The following TF variants were observed in gnomAD, a reference collection of about 807,000 sequenced individuals.
The protein encoded by TF is transferrin, also known as serotransferrin.
Under a neutral mutation model 82.4 loss-of-function variants are expected in TF, and 55 were observed. The observed-to-expected ratio is 0.67, with a 90% confidence interval of 0.54 to 0.84. The LOEUF is 0.84. Among genes scored for constraint, TF ranks in the 40% least tolerant of loss-of-function variants. TF has a pLI of 0.00. For missense variants in TF, 737 were observed against 868.4 expected (o/e 0.85, Z 1.90); for synonymous variants, 332 against 332.6 (o/e 1.00, Z 0.02).
chr3:133,664,093 C>A, the TF span, among the ~76,000 whole-genome samples: 1 of 152,174 alleles, frequency 6.6e-6, no homozygotes, highest in East Asian at 1.9e-4. Flanking sequence ...AATGAAAATT[C>A]TTGGGCTCCA....
At chr3:133,700,512 G>A in the TF span, among the ~76,000 whole-genome samples, 1 of 152,244 alleles carries the variant, frequency 6.6e-6, no homozygotes, top group Non-Finnish European at 1.5e-5. Flanking sequence ...TGCAGCCCAT[G>A]GTGCTGGATC....
the TF span, among the ~76,000 whole-genome samples, chr3:133,686,540 A>T: frequency 6.6e-6 from 1 of 152,238 alleles, no homozygotes; most frequent in Admixed American, 6.5e-5. Context: ...TGGGCAGAGG[A>T]TATGAACAGA....
the TF span, among the ~76,000 whole-genome samples, chr3:133,719,420 A>G: frequency 0.079 from 12,079 of 152,024 alleles, 643 homozygotes; most frequent in East Asian, 0.26. Flanking sequence ...ATTCCCAGGG[A>G]TTGTGTGGGC....
intron 14 of TF, among the ~76,000 whole-genome samples, chr3:133,771,777 G>T (rs34252038): frequency 0.3 from 43,459 of 144,348 alleles, 7,343 homozygotes; most frequent in South Asian, 0.42. Flanking sequence ...GAATCAATGG[G>T]TGTTAACTTG....
At chr3:133,679,593 T>A in the TF span, among the ~76,000 whole-genome samples, 2 of 148,108 alleles carry the variant, frequency 1.4e-5, no homozygotes, top group African/African-American at 5.0e-5. Flanking sequence ...TTTTTTTTTT[T>A]ACTCAGCATA....
intron 12 of TF, among the ~76,000 whole-genome samples, 170 bp downstream of exon 12, chr3:133,766,603 T>C (rs1240270469): frequency 6.6e-6 from 1 of 152,178 alleles, no homozygotes; most frequent in Non-Finnish European, 1.5e-5. Flanking sequence ...CAACAAGGGC[T>C]GGAAGGACTG....
At chr3:133,753,478 G>A (rs1170288258) in intron 2 of TF, 117 bp from the exon 3 acceptor site, 1 of 858,990 alleles carries the variant, frequency 1.2e-6, no homozygotes, top group Non-Finnish European at 2.0e-6. Context: ...GCGTGGTCTA[G>A]TCAAGTTCTG....
chr3:133,678,277 T>A, the TF span, among the ~76,000 whole-genome samples: 1 of 152,260 alleles, frequency 6.6e-6, no homozygotes, highest in Non-Finnish European at 1.5e-5. Flanking sequence ...GCATTTGGGT[T>A]GGTTCCTAGT....
rs2715637 is a variant in TF, at chr3:133,795,470, T to A, written c.*16850T>A. The A allele has an allele frequency of 0.78, 117,996 of 152,026 alleles. 46,664 individuals carry two copies. The highest frequency in any genetic ancestry group is 0.94 in the African/African-American group (38,877 of 41,510). The allele number at this position is 152,026 out of a possible 1,614,324, so 9.4% of individuals were successfully genotyped here. On this transcript the variant is annotated 3_prime_UTR_variant, in exon 17 of 17. Transcript: ENST00000402696. ...TGTAACCTACGAATGATGTGCTGAG[T>A]CCAAAAGCCCAAAGTGTTGGTAACT... is the stretch of plus-strand genomic sequence containing the variant.
the TF span, among the ~76,000 whole-genome samples, chr3:133,663,530 T>A: frequency 6.6e-6 from 1 of 152,072 alleles, no homozygotes; most frequent in Non-Finnish European, 1.5e-5. Flanking sequence ...AAATCTGACC[T>A]GAATCTGTAA....
chr3:133,754,364 C>G (rs768588379), intron 3 of TF, 131 bp from the exon 4 acceptor site: 56 of 906,442 alleles, frequency 6.2e-5, no homozygotes, highest in Non-Finnish European at 9.7e-5. Flanking sequence ...TCCTGATTCC[C>G]CACTCCTTAT....
the TF span, among the ~76,000 whole-genome samples, chr3:133,666,354 G>A: frequency 2.6e-5 from 4 of 152,108 alleles, no homozygotes; most frequent in Admixed American, 6.6e-5. Flanking sequence ...TGTATTTTTA[G>A]TAGAGATGGG....
the TF span, among the ~76,000 whole-genome samples, chr3:133,710,420 G>GC: frequency 6.6e-6 from 1 of 151,986 alleles, no homozygotes; most frequent in African/African-American, 2.4e-5. Flanking sequence ...ATTTACAAGC[G>GC]CCCCCACCAC....
chr3:133,693,114 C>G, the TF span, among the ~76,000 whole-genome samples: 16 of 152,234 alleles, frequency 1.1e-4, no homozygotes, highest in Non-Finnish European at 1.5e-4. Context: ...CTCCTGGGAG[C>G]TGGCAGCTGA....
chr3:133,667,542 C>T, the TF span, among the ~76,000 whole-genome samples: 13 of 151,846 alleles, frequency 8.6e-5, no homozygotes, highest in African/African-American at 3.1e-4. Flanking sequence ...TAGGTAGGCA[C>T]CATCAACTGA....
intron 13 of TF, 78 bp downstream of exon 13, chr3:133,768,242 T>G (rs958138459): frequency 1.3e-6 from 2 of 1,566,442 alleles, no homozygotes; most frequent in African/African-American, 1.4e-5. Flanking sequence ...AAGGTAAGAT[T>G]CTTAGGTTCC....
Position 133,782,661 on chromosome 3 carries a change from C to A in TF, c.*4041C>A. 1 of 152,072 alleles carries A rather than the reference C, an allele frequency of 6.6e-6. No individual in the cohort carries two copies. The highest frequency in any genetic ancestry group is 1.5e-5 in the Non-Finnish European group (1 of 68,058). The allele number at this position is 152,072 out of a possible 1,614,324, so 9.4% of individuals were successfully genotyped here. On this transcript the variant is annotated 3_prime_UTR_variant, in exon 17 of 17. Transcript: ENST00000402696. Reference sequence around the variant, plus strand: ...GAGATGTAGGTCAGAGGATACAAAGCAGCAGATAGGAGGGCTAGGCGCAGT... The same window carrying A: ...GAGATGTAGGTCAGAGGATACAAAGAAGCAGATAGGAGGGCTAGGCGCAGT...
At chr3:133,727,148 A>G in the TF span, among the ~76,000 whole-genome samples, 3 of 152,092 alleles carry the variant, frequency 2.0e-5, no homozygotes, top group Admixed American at 2.0e-4. Flanking sequence ...TGGGGTGGAG[A>G]GTTCTGTAGA....
In TF at chr3:133,775,455, T is replaced by G; in HGVS notation, c.1710T>G (p.Ala570=). The change falls in exon 15 of 17, where the codon GCT becomes GCG. Residue 570 remains alanine, a synonymous_variant. Coordinates refer to ENST00000402696, the MANE Select transcript of TF (RefSeq NM_001063.4). The part of the protein sequence containing the change: ...NTGGKNPDPW[A]KNLNEKDYEL... ...TAGGAAAAAACCCTGATCCATGGGCTAAGAATCTGAATGAAAAAGACTATG... is the reference window on the plus strand; with the variant it reads ...TAGGAAAAAACCCTGATCCATGGGCGAAGAATCTGAATGAAAAAGACTATG... The G allele has an allele frequency of 6.2e-7, 1 of 1,614,200 alleles. No individual in the cohort carries two copies. The highest frequency in any genetic ancestry group is 1.1e-5 in the South Asian group (1 of 91,078).
Sources: allele counts gnomAD v4.1 joint callset (sites outside exome capture counted in the v4.1 genomes callset), GRCh38; gene constraint gnomAD v4.1.1; transcripts MANE v1.5; gene names NCBI Gene and HGNC (gene_info 2026-07-23, HGNC 2026-07-21).